EYS: variants seen among roughly 807,000 people sequenced by gnomAD.
EYS encodes protein eyes shut homolog.
Under a neutral mutation model 282.1 loss-of-function variants are expected in EYS, and 250 were observed. The ratio of observed to expected loss-of-function variants is 0.89; its 90% CI spans 0.80 to 0.98. The LOEUF is 0.98. Among genes scored for constraint, EYS ranks in the 50% least tolerant of loss-of-function variants. EYS has a pLI of 0.00. For missense variants in EYS, 4,016 were observed against 3,709.0 expected (o/e 1.08, Z -2.15); for synonymous variants, 1,355 against 1,282.9 (o/e 1.06, Z -1.20).
chr6:64,472,581 A>G (rs913680792), intron 26 of EYS, among the ~76,000 whole-genome samples: 1 of 152,156 alleles, frequency 6.6e-6, no homozygotes, highest in Non-Finnish European at 1.5e-5. Flanking sequence ...TTTGCTCATC[A>G]ATTTAATGAG....
chr6:64,011,488 T>C (rs1768625652), intron 33 of EYS, among the ~76,000 whole-genome samples: 1 of 152,184 alleles, frequency 6.6e-6, no homozygotes, highest in Non-Finnish European at 1.5e-5. Flanking sequence ...TTCTTTGGCT[T>C]TTCTATCTCA....
In EYS at chr6:65,402,835, A is replaced by C. The variant is rs531539814; in HGVS notation, c.1057-230T>G. ...GCTCCTCTATTAAGAGTTAGCAACT[A>C]TATTCCCTTCCTCTTGAATGTAAGC... On this transcript the variant is annotated intron_variant, in intron 6 of 42. Transcript: ENST00000503581. Among the ~76,000 whole-genome samples the C allele has an allele frequency of 5.3e-4, 80 of 152,182 alleles. 1 individual carries two copies. Among genetic ancestry groups the C allele is most frequent in the African/African-American group, 1.8e-3 (74 of 41,560 alleles).
chr6:63,986,055 T>C (rs546059700), intron 34 of EYS, among the ~76,000 whole-genome samples: 17 of 151,702 alleles, frequency 1.1e-4, no homozygotes, highest in African/African-American at 3.9e-4. Context: ...CTAGCATCTA[T>C]AAGGAATGTA....
chr6:65,309,274 AC>A (rs1769092114), intron 11 of EYS, among the ~76,000 whole-genome samples: 1 of 152,274 alleles, frequency 6.6e-6, no homozygotes, highest in South Asian at 2.1e-4. Context: ...TCGTAATTGC[AC>A]CCATACACTT....
chr6:64,448,392 AG>A (rs1384398041), intron 26 of EYS, among the ~76,000 whole-genome samples: 7 of 152,246 alleles, frequency 4.6e-5, no homozygotes, highest in Admixed American at 1.3e-4. Context: ...CCACAGCTCA[AG>A]GAGGCCTGCC....
intron 31 of EYS, among the ~76,000 whole-genome samples, chr6:64,212,802 A>C (rs144329125): frequency 1.7e-3 from 261 of 152,296 alleles, no homozygotes; most frequent in African/African-American, 5.7e-3. Context: ...ATAAAGACTC[A>C]TGCATGCGTA....
At chr6:65,452,724 T>A (rs1007065596) in intron 5 of EYS, among the ~76,000 whole-genome samples, 2 of 152,004 alleles carry the variant, frequency 1.3e-5, no homozygotes, top group African/African-American at 4.8e-5. Flanking sequence ...GGAACTATGT[T>A]AGCAAGTATC....
chr6:65,555,933 A>G (rs950700389), intron 2 of EYS, among the ~76,000 whole-genome samples: 1 of 152,222 alleles, frequency 6.6e-6, no homozygotes, highest in South Asian at 2.1e-4. Flanking sequence ...TATAATTAAA[A>G]TTAATTTTAC....
chr6:64,005,544 G>A (rs565555159), intron 33 of EYS, among the ~76,000 whole-genome samples: 2 of 152,070 alleles, frequency 1.3e-5, no homozygotes, highest in South Asian at 4.2e-4. Context: ...ATCTTTGCCA[G>A]GGCCTATATT....
chr6:65,086,497 C>T (rs1217332433), intron 12 of EYS, among the ~76,000 whole-genome samples: 1 of 151,340 alleles, frequency 6.6e-6, no homozygotes, highest in Non-Finnish European at 1.5e-5. Flanking sequence ...GAAACAAACG[C>T]AAAACAGAAA....
intron 1 of EYS, among the ~76,000 whole-genome samples, chr6:65,645,790 CAAGAA>C (rs1383923064): frequency 6.6e-6 from 1 of 151,700 alleles, no homozygotes; most frequent in African/African-American, 2.4e-5. Context: ...TGAGATTAAC[CAAGAA>C]AAGAAGAGAG....
intron 12 of EYS, among the ~76,000 whole-genome samples, chr6:65,253,409 T>A (rs1384319719): frequency 1.3e-5 from 2 of 151,890 alleles, no homozygotes; most frequent in Admixed American, 6.6e-5. Context: ...AAAATAAAAT[T>A]AAACGCCCAC....
intron 8 of EYS, among the ~76,000 whole-genome samples, chr6:65,362,087 T>C (rs4580839): frequency 0.67 from 101,760 of 151,332 alleles, 34,284 homozygotes; most frequent in South Asian, 0.71. Context: ...TTTCTTTGAT[T>C]TTCAAAAGTA....
chr6:65,676,963 C>T (rs930866446), intron 1 of EYS, among the ~76,000 whole-genome samples: 17 of 150,960 alleles, frequency 1.1e-4, no homozygotes, highest in Middle Eastern at 3.2e-3. Flanking sequence ...CACCTGATCA[C>T]CTTCATAGAT....
At chr6:65,087,318 C>G (rs1774412614) in intron 12 of EYS, among the ~76,000 whole-genome samples, 1 of 151,968 alleles carries the variant, frequency 6.6e-6, no homozygotes, top group Non-Finnish European at 1.5e-5. Flanking sequence ...TTCCATTATT[C>G]CACCAAAATG....
chr6:64,330,835 C>T (rs918228499), intron 29 of EYS, among the ~76,000 whole-genome samples: 14 of 152,138 alleles, frequency 9.2e-5, no homozygotes, highest in African/African-American at 3.4e-4. Flanking sequence ...ACCTTAGAGA[C>T]TGTGAATAAT....
chr6:64,985,424 A>G (rs915904185), intron 14 of EYS, among the ~76,000 whole-genome samples: 1 of 151,504 alleles, frequency 6.6e-6, no homozygotes, highest in Non-Finnish European at 1.5e-5. Flanking sequence ...ATGAGGGAGT[A>G]ATGCCTTATT....
chr6:65,494,443 A>G (rs557160357), intron 4 of EYS, among the ~76,000 whole-genome samples: 1 of 149,440 alleles, frequency 6.7e-6, no homozygotes, highest in South Asian at 2.1e-4. Flanking sequence ...ATGCTCGGCT[A>G]ATTTTTTTTT....
At chr6:65,656,989 G>A (rs1346382104) in intron 1 of EYS, among the ~76,000 whole-genome samples, 1 of 151,728 alleles carries the variant, frequency 6.6e-6, no homozygotes, top group Non-Finnish European at 1.5e-5. Flanking sequence ...AACATTTTAG[G>A]CCCCTTAAGA....
Sources: allele counts gnomAD v4.1 joint callset (sites outside exome capture counted in the v4.1 genomes callset), GRCh38; gene constraint gnomAD v4.1.1; transcripts MANE v1.5; gene names NCBI Gene and HGNC (gene_info 2026-07-23, HGNC 2026-07-21).